Variants in TSPAN14 observed in about 807,000 individuals in gnomAD.
The protein encoded by TSPAN14 is tetraspanin-14.
TSPAN14 carries 16 observed loss-of-function variants against 36.6 expected under a neutral mutation model. The ratio of observed to expected loss-of-function variants is 0.44; its 90% confidence interval spans 0.30 to 0.66. TSPAN14 has a LOEUF of 0.66. Among genes scored for constraint, TSPAN14 ranks in the 30% least tolerant of loss-of-function variants. The pLI, the probability that TSPAN14 is intolerant of heterozygous loss-of-function variation, is 0.12. For synonymous variants in TSPAN14, 139 were observed against 143.8 expected, an observed-to-expected ratio of 0.97 and a Z score of 0.24; for missense variants, 231 against 355.1, an observed-to-expected ratio of 0.65 and a Z score of 2.81.
intron 2 of TSPAN14, among the ~76,000 whole-genome samples, 197 bp from the exon 3 acceptor site, chr10:80,504,531 T>A (rs893119128): frequency 6.6e-6 from 1 of 152,204 alleles, no homozygotes; most frequent in Non-Finnish European, 1.5e-5. Flanking sequence ...CATAGGGTCA[T>A]CTGAGGTTGA....
At chr10:80,471,364 G>T (rs1015525255) in intron 1 of TSPAN14, among the ~76,000 whole-genome samples, 69 of 152,282 alleles carry the variant, frequency 4.5e-4, no homozygotes, top group Non-Finnish European at 8.5e-4. Context: ...GGAGGCCACA[G>T]GGCCCAGCCC....
At chr10:80,471,637 G>GCAT (rs1846556963) in intron 1 of TSPAN14, among the ~76,000 whole-genome samples, 1 of 152,222 alleles carries the variant, frequency 6.6e-6, no homozygotes, top group South Asian at 2.1e-4. Context: ...CTTTGGCCTA[G>GCAT]CATCCTCCCT....
chr10:80,503,376 T>C (rs2132039438), intron 2 of TSPAN14, among the ~76,000 whole-genome samples: 1 of 152,292 alleles, frequency 6.6e-6, no homozygotes, highest in East Asian at 1.9e-4. Flanking sequence ...CGGGATGTAC[T>C]CCGTGAATAT....
rs536822904 is a variant in TSPAN14 at position 80,487,520 on chromosome 10, A to G, written c.-17-1697A>G. On this transcript the variant is annotated intron_variant, in intron 1 of 8. Coordinates refer to ENST00000429989, the Ensembl canonical transcript of TSPAN14. ...GTTGAGGATGCTGAGGTCCTGAGAG[A>G]GCAGGGACTTGCATGGGCTGAGGTC... Among the ~76,000 whole-genome samples, 504 of 152,212 alleles carry G rather than the reference A, an allele frequency of 3.3e-3. 1 individual carries two copies. Among genetic ancestry groups the G allele is most frequent in the African/African-American group, 0.011 (465 of 41,526 alleles).
At chr10:80,469,212 C>T (rs1000523080) in intron 1 of TSPAN14, among the ~76,000 whole-genome samples, 5 of 152,182 alleles carry the variant, frequency 3.3e-5, no homozygotes, top group African/African-American at 9.7e-5. Flanking sequence ...AGCCCTAAGC[C>T]TCCCTGGCCA....
intron 4 of TSPAN14, among the ~76,000 whole-genome samples, chr10:80,508,063 G>A (rs1840388593): frequency 6.6e-6 from 1 of 150,432 alleles, no homozygotes; most frequent in Admixed American, 6.6e-5. Context: ...TATGAACAGA[G>A]ATTACGTTTT....
intron 1 of TSPAN14, among the ~76,000 whole-genome samples, chr10:80,465,853 C>T (rs1308835735): frequency 6.6e-6 from 1 of 152,094 alleles, no homozygotes; most frequent in Non-Finnish European, 1.5e-5. Flanking sequence ...GGAACTGTAC[C>T]CTGCTTCTTC....
intron 2 of TSPAN14, among the ~76,000 whole-genome samples, chr10:80,502,002 C>G (rs954254861): frequency 6.6e-6 from 1 of 152,170 alleles, no homozygotes; most frequent in African/African-American, 2.4e-5. Context: ...GGTCTGGGAT[C>G]AGTGCCGCGA....
At chr10:80,491,608 A>T (rs1020722016) in intron 2 of TSPAN14, among the ~76,000 whole-genome samples, 2 of 152,192 alleles carry the variant, frequency 1.3e-5, no homozygotes, top group African/African-American at 4.8e-5. Context: ...AGTTTTTGAC[A>T]TCAGGGAGCT....
chr10:80,458,788 G>A (rs957500207), intron 1 of TSPAN14, among the ~76,000 whole-genome samples: 1 of 152,138 alleles, frequency 6.6e-6, no homozygotes, highest in Non-Finnish European at 1.5e-5. Flanking sequence ...TTTAGACAGG[G>A]CAAGTAGCCA....
chr10:80,512,302 C>CGCCCTT (rs1363636673), intron 6 of TSPAN14, 33 bp downstream of exon 6: 6 of 1,610,976 alleles, frequency 3.7e-6, no homozygotes, highest in Admixed American at 1.7e-5. Context: ...ACAGGGAGCC[C>CGCCCTT]GCCCTTCCTG....
chr10:80,508,871 A>G (rs1378199618), intron 4 of TSPAN14, among the ~76,000 whole-genome samples: 1 of 152,144 alleles, frequency 6.6e-6, no homozygotes, highest in Non-Finnish European at 1.5e-5. Flanking sequence ...TGTCTTGGGC[A>G]CAGTGTCTGT....
chr10:80,493,647 C>T (rs529355974), intron 2 of TSPAN14, among the ~76,000 whole-genome samples: 7 of 152,256 alleles, frequency 4.6e-5, no homozygotes, highest in Admixed American at 4.6e-4. Context: ...AAGCTAGATG[C>T]AAAAAGACAA....
rs1564748593 is a variant in TSPAN14, at chr10:80,516,285, AT to A, written c.705del (p.Ile235MetfsTer23). 1 of 1,614,198 alleles carries A rather than the reference AT, an allele frequency of 6.2e-7. No individual in the cohort carries two copies. Among genetic ancestry groups the A allele is most frequent in the Non-Finnish European group, 8.5e-7 (1 of 1,180,044 alleles). Reference sequence around the variant, plus strand: ...AAGCTGGCTCCCGCGGAACATTTACATTGTGGCTGGCGTCTTCATCGCCATC... The same window carrying A: ...AAGCTGGCTCCCGCGGAACATTTACATGTGGCTGGCGTCTTCATCGCCATC... On this transcript the variant is annotated frameshift_variant, in exon 8 of 9. Coordinates refer to ENST00000429989, the Ensembl canonical transcript of TSPAN14. LOFTEE classifies it high-confidence loss of function.
chr10:80,519,114 C>T (rs892192534), exon 9 of TSPAN14: 3 of 152,716 alleles, frequency 2.0e-5, no homozygotes, highest in African/African-American at 7.2e-5. Context: ...GCCAGGGCTC[C>T]TCTTGTGGCC....
In TSPAN14 at chr10:80,484,073, C is replaced by T. The variant is rs367655085; in HGVS notation, c.-17-5144C>T. Among the ~76,000 whole-genome samples the T allele has an allele frequency of 2.0e-3, 308 of 151,566 alleles. 2 individuals are homozygous for T. The highest frequency in any genetic ancestry group is 7.0e-3 in the African/African-American group (288 of 41,364). The stretch of plus-strand genomic sequence containing the variant: ...CAGCCTGGGCAACATGATGAAACCC[C>T]GTTTGTACAAAAAATACAAAAATTA... On this transcript the variant is annotated intron_variant, in intron 1 of 8. Coordinates refer to ENST00000429989, the Ensembl canonical transcript of TSPAN14.
At chr10:80,514,115 G>T in intron 7 of TSPAN14, 52 bp downstream of exon 7, 1 of 1,526,360 alleles carries the variant, frequency 6.6e-7, no homozygotes, top group South Asian at 1.1e-5. Context: ...TTTATTCCCT[G>T]TGGTTCAACA....
exon 9 of TSPAN14, chr10:80,521,478 G>A (rs137991811): frequency 8.5e-5 from 13 of 152,570 alleles, no homozygotes; most frequent in African/African-American, 2.6e-4. Flanking sequence ...ACAGAACCAC[G>A]GTTTTTAGGT....
At chr10:80,469,571 T>G (rs1340993225) in intron 1 of TSPAN14, among the ~76,000 whole-genome samples, 1 of 152,192 alleles carries the variant, frequency 6.6e-6, no homozygotes, top group Non-Finnish European at 1.5e-5. Flanking sequence ...GGCTCTGTTT[T>G]AGGGGATGAT....
Sources: gnomAD v4.1 joint callset for allele counts (sites outside exome capture counted in the v4.1 genomes callset) on GRCh38, gnomAD v4.1.1 for gene constraint, MANE v1.5 for transcripts, NCBI Gene and HGNC (gene_info 2026-07-23, HGNC 2026-07-21) for gene names.